The following PRMT9 variants were observed in gnomAD, a reference collection of about 807,000 sequenced individuals.
PRMT9 encodes protein arginine N-methyltransferase 9.
PRMT9 carries 59 observed loss-of-function variants against 83.2 expected under a neutral mutation model. The observed-to-expected ratio is 0.71, with a 90% CI of 0.57 to 0.88. The LOEUF (loss-of-function observed/expected upper bound fraction) is 0.88, where lower values mean the gene tolerates loss of function less well. Among genes scored for constraint, PRMT9 ranks in the 40% least tolerant of loss-of-function variants. The probability of loss-of-function intolerance (pLI) is 0.00; values close to 1 mark genes in which losing one functional copy is unlikely to be tolerated. For missense variants in PRMT9, 947 were observed against 1,021.9 expected, an observed-to-expected ratio of 0.93 and a Z score of 1.00; for synonymous variants, 333 against 353.2, an observed-to-expected ratio of 0.94 and a Z score of 0.64.
Position 147,672,942 on chromosome 4 carries a change from A to G in PRMT9, c.743+17T>C. 6.2e-7 allele frequency: 1 copy of G among 1,604,988 alleles called. No homozygotes were observed. The highest frequency in any genetic ancestry group is 8.5e-7 in the Non-Finnish European group (1 of 1,171,894). On this transcript the variant is annotated intron_variant, in intron 4 of 11. Coordinates refer to ENST00000322396, the MANE Select transcript of PRMT9 (RefSeq NM_138364.4). The stretch of plus-strand genomic sequence containing the variant: ...ATAGAGAAGTATAAACACTAAAATT[A>G]GTTTACATGATAATACCTTTCGGGA...
At chr4:147,655,258 G>A (rs1380945373) in intron 8 of PRMT9, among the ~76,000 whole-genome samples, 1 of 152,132 alleles carries the variant, frequency 6.6e-6, no homozygotes, top group African/African-American at 2.4e-5. Flanking sequence ...CAACTCCTGG[G>A]CTCAAGTGAT....
chr4:147,640,003 C>T lies in PRMT9; in HGVS notation c.2200-921G>A, dbSNP rs539656851. Among the ~76,000 whole-genome samples the T allele has an allele frequency of 1.5e-3, 222 of 150,548 alleles. 2 individuals carry two copies. The highest frequency in any genetic ancestry group is 5.0e-3 in the African/African-American group (206 of 40,974). ...GCCTCCTAATCCCCACACTGCTGAACCCATACCTCATAGTCGGCCCCCACT... is the reference window on the plus strand; with the variant it reads ...GCCTCCTAATCCCCACACTGCTGAATCCATACCTCATAGTCGGCCCCCACT... On this transcript the variant is annotated intron_variant, in intron 10 of 11. Transcript: ENST00000322396.
At chr4:147,646,917 C>T (rs937688738) in intron 9 of PRMT9, among the ~76,000 whole-genome samples, 19 of 152,298 alleles carry the variant, frequency 1.2e-4, no homozygotes, top group Non-Finnish European at 5.9e-5. Context: ...CTCACTCCAT[C>T]TTGCTTCTAA....
At chr4:147,639,851 C>T (rs1331085676) in intron 10 of PRMT9, among the ~76,000 whole-genome samples, 1 of 152,080 alleles carries the variant, frequency 6.6e-6, no homozygotes, top group Non-Finnish European at 1.5e-5. Context: ...AGCATCCAGC[C>T]TTTATTCCCC....
Position 147,661,057 on chromosome 4 carries a change from G to C in PRMT9, c.954-19C>G. On this transcript the variant is annotated intron_variant, in intron 6 of 11. Coordinates refer to ENST00000322396, the MANE Select transcript of PRMT9 (RefSeq NM_138364.4). Reference sequence around the variant, plus strand: ...ACCCACTCTGGAGAGAGAGAAAATAGGGGAGGGGTAGGAAGATGGATTTTT... The same window carrying C: ...ACCCACTCTGGAGAGAGAGAAAATACGGGAGGGGTAGGAAGATGGATTTTT... 1 of 1,542,056 alleles carries C rather than the reference G, an allele frequency of 6.5e-7. No homozygotes were observed. The highest frequency in any genetic ancestry group is 2.3e-5 in the East Asian group (1 of 44,428).
intron 6 of PRMT9, among the ~76,000 whole-genome samples, chr4:147,665,109 G>A (rs768081956): frequency 4.5e-5 from 4 of 89,846 alleles, no homozygotes; most frequent in African/African-American, 1.7e-4. Context: ...AAACAAGAGC[G>A]AAACTCTGTC....
chr4:147,671,898 A>G, intron 4 of PRMT9: 1 of 456,274 alleles, frequency 2.2e-6, no homozygotes, highest in Non-Finnish European at 4.4e-6. Context: ...ATACTGGAGA[A>G]GGAAAGGCCG....
chr4:147,662,649 A>C (rs1735044346), intron 6 of PRMT9, among the ~76,000 whole-genome samples: 1 of 152,084 alleles, frequency 6.6e-6, no homozygotes, highest in Admixed American at 6.5e-5. Context: ...AATAAAATAA[A>C]ATAGCCAGGT....
chr4:147,669,300 C>T (rs985916860), intron 5 of PRMT9, among the ~76,000 whole-genome samples: 5 of 151,638 alleles, frequency 3.3e-5, no homozygotes, highest in Non-Finnish European at 7.4e-5. Context: ...CACTTGAGCC[C>T]GGGAGTTTGA....
In PRMT9 at chr4:147,653,909, A is replaced by G. The variant is rs923607161; in HGVS notation, c.1988T>C (p.Val663Ala). 2.5e-6 allele frequency: 4 copies of G among 1,614,190 alleles called. No individual in the cohort carries two copies. Among genetic ancestry groups the G allele is most frequent in the Non-Finnish European group, 3.4e-6 (4 of 1,180,032 alleles). The change falls in exon 9 of 12, where the codon GTC becomes GCC. Residue 663 changes from valine to alanine, a missense_variant. Val to Ala is a moderately conservative substitution (Grantham distance 64). Coordinates refer to ENST00000322396, the MANE Select transcript of PRMT9 (RefSeq NM_138364.4). Reference sequence around the variant, plus strand: ...CTGAATGAGCCCAGATGGCTCAATGACATCCAATATAATTATGCTCCATAA... The same window carrying G: ...CTGAATGAGCCCAGATGGCTCAATGGCATCCAATATAATTATGCTCCATAA... ...DKLWSIIILD[V>A]IEPSGLIQQE...
Position 147,641,531 on chromosome 4 carries a change from T to C in PRMT9, c.2199+1256A>G, listed in dbSNP as rs530889754. On this transcript the variant is annotated intron_variant, in intron 10 of 11. Coordinates refer to ENST00000322396, the MANE Select transcript of PRMT9 (RefSeq NM_138364.4). ...CGCCACACTCCCTTAACCTGCTTTA[T>C]GTCCACAGCACTTCTCACCATCACA... 4.0e-4 allele frequency among the ~76,000 whole-genome samples: 61 copies of C among 152,350 alleles called. 1 individual carries two copies. The highest frequency in any genetic ancestry group is 1.4e-3 in the African/African-American group (59 of 41,582).
At chr4:147,682,531 C>G (rs1736554909) in intron 1 of PRMT9, among the ~76,000 whole-genome samples, 1 of 152,008 alleles carries the variant, frequency 6.6e-6, no homozygotes, top group Non-Finnish European at 1.5e-5. Flanking sequence ...AGGCTGGTCT[C>G]AAACTCCTGA....
intron 9 of PRMT9, 80 bp from the exon 10 acceptor site, chr4:147,643,020 G>T: frequency 7.5e-7 from 1 of 1,332,430 alleles, no homozygotes; most frequent in African/African-American, 1.4e-5. Flanking sequence ...AGCACTTTGG[G>T]AGGCCAAGGT....
In PRMT9 at chr4:147,638,544, T is replaced by C. The variant is rs1315324132; in HGVS notation, c.2526A>G (p.Thr842=). The C allele has an allele frequency of 6.2e-7, 1 of 1,613,478 alleles. No individual in the cohort carries two copies. The highest frequency in any genetic ancestry group is 8.5e-7 in the Non-Finnish European group (1 of 1,179,484). ...IQHHKSNVSI[T]VKQ ...GGAAAACTGCTCTTCATTGCTTTAC[T>C]GTGATGCTGACATTGCTTTTGTGAT... The change falls in exon 12 of 12, where the codon ACA becomes ACG. Residue 842 remains threonine (T), a synonymous_variant. Transcript: ENST00000322396.
chr4:147,664,174 G>A (rs192841587), intron 6 of PRMT9, among the ~76,000 whole-genome samples: 2 of 152,284 alleles, frequency 1.3e-5, no homozygotes, highest in Admixed American at 6.5e-5. Flanking sequence ...AGACATAGTG[G>A]TGCACACCTG....
chr4:147,654,597 A>T (rs753108180), intron 8 of PRMT9, 31 bp from the exon 9 acceptor site: 57 of 1,394,022 alleles, frequency 4.1e-5, no homozygotes, highest in Non-Finnish European at 5.3e-5. Context: ...GAAAAAAAAT[A>T]TGGAGTACTT....
At chr4:147,679,900 T>A (rs185180320) in intron 2 of PRMT9, among the ~76,000 whole-genome samples, 77 of 152,244 alleles carry the variant, frequency 5.1e-4, no homozygotes, top group African/African-American at 1.8e-3. Flanking sequence ...TACTACATGG[T>A]TTTGTAATGG....
Position 147,657,292 on chromosome 4 carries a change from G to A in PRMT9, c.1330+500C>T, listed in dbSNP as rs373151280. On this transcript the variant is annotated intron_variant, in intron 8 of 11. Transcript: ENST00000322396. ...CGTAATCCCAGCACTTTGGGAGGCCGAGGTGGGTGGATCACGAGGTCAGAA... is the reference window on the plus strand; with the variant it reads ...CGTAATCCCAGCACTTTGGGAGGCCAAGGTGGGTGGATCACGAGGTCAGAA... 4.5e-4 allele frequency among the ~76,000 whole-genome samples: 69 copies of A among 152,186 alleles called. No homozygotes were observed. The East Asian group carries it at 9.7e-3, about 21-fold the overall frequency.
intron 9 of PRMT9, among the ~76,000 whole-genome samples, chr4:147,653,374 G>A (rs1413873930): frequency 2.0e-5 from 3 of 151,782 alleles, no homozygotes; most frequent in African/African-American, 4.8e-5. Flanking sequence ...CCCAGGAGGC[G>A]GAGGTTGCAG....
Sources: gnomAD v4.1 joint callset for allele counts (sites outside exome capture counted in the v4.1 genomes callset) on GRCh38, gnomAD v4.1.1 for gene constraint, MANE v1.5 for transcripts, NCBI Gene and HGNC (gene_info 2026-07-23, HGNC 2026-07-21) for gene names.